Variants in LGSN observed in about 807,000 individuals in gnomAD.
The protein encoded by LGSN is lengsin.
Under a neutral mutation model 19.5 loss-of-function variants are expected in LGSN, and 21 were observed. The ratio of observed to expected loss-of-function variants is 1.07; its 90% CI spans 0.76 to 1.55. LGSN has a LOEUF of 1.55. Ranked by LOEUF, LGSN falls within the 40% of genes most tolerant of loss-of-function variation. LGSN has a pLI of 0.00. For synonymous variants in LGSN, 257 were observed against 215.6 expected (o/e 1.19, Z -1.68); for missense variants, 673 against 608.5 (o/e 1.11, Z -1.12).
the LGSN span, among the ~76,000 whole-genome samples, chr6:63,546,901 A>G: frequency 1.3e-5 from 2 of 152,196 alleles, no homozygotes; most frequent in South Asian, 2.1e-4. Context: ...GTATTTCGCA[A>G]TGTGTAGTGT....
the LGSN span, among the ~76,000 whole-genome samples, chr6:63,423,770 G>T: frequency 1.3e-5 from 2 of 152,112 alleles, no homozygotes; most frequent in African/African-American, 4.8e-5. Context: ...AGGCATGATG[G>T]CTCACGCCTA....
At chr6:63,416,703 G>C in the LGSN span, among the ~76,000 whole-genome samples, 2 of 151,826 alleles carry the variant, frequency 1.3e-5, no homozygotes, top group African/African-American at 4.8e-5. Flanking sequence ...AAACAGCTGG[G>C]ATTACAGGCA....
At chr6:63,491,455 G>A in the LGSN span, among the ~76,000 whole-genome samples, 2 of 151,652 alleles carry the variant, frequency 1.3e-5, no homozygotes, top group Non-Finnish European at 2.9e-5. Flanking sequence ...AGATCCAAAG[G>A]TGATCGGTAA....
the LGSN span, among the ~76,000 whole-genome samples, chr6:63,569,615 T>A: frequency 6.6e-6 from 1 of 152,198 alleles, no homozygotes; most frequent in African/African-American, 2.4e-5. Flanking sequence ...CTGCTGGCTT[T>A]TATATTTTGA....
the LGSN span, among the ~76,000 whole-genome samples, chr6:63,455,454 A>T: frequency 1.1e-4 from 17 of 152,136 alleles, no homozygotes; most frequent in Non-Finnish European, 1.8e-4. Flanking sequence ...TTCTTTTTTC[A>T]TTTAAAAACT....
chr6:63,380,640 A>G, the LGSN span, among the ~76,000 whole-genome samples: 1 of 152,228 alleles, frequency 6.6e-6, no homozygotes, highest in East Asian at 1.9e-4. Context: ...GTTAGCCAAC[A>G]GGATAAAATT....
chr6:63,351,365 A>G, the LGSN span, among the ~76,000 whole-genome samples: 35 of 152,160 alleles, frequency 2.3e-4, no homozygotes, highest in African/African-American at 8.0e-4. Context: ...TTTGCTTTAT[A>G]AATATCTCTG....
chr6:63,480,986 TAC>T, the LGSN span, among the ~76,000 whole-genome samples: 43 of 44,072 alleles, frequency 9.8e-4, no homozygotes, highest in Middle Eastern at 0.018. Flanking sequence ...TATATATATA[TAC>T]ACACACACAT....
the LGSN span, among the ~76,000 whole-genome samples, chr6:63,352,054 T>C: frequency 2.6e-5 from 4 of 152,260 alleles, no homozygotes; most frequent in East Asian, 7.7e-4. Context: ...AAACAAGAAA[T>C]GGTTGAGACA....
the LGSN span, among the ~76,000 whole-genome samples, chr6:63,497,644 G>T: frequency 6.6e-6 from 1 of 151,974 alleles, no homozygotes; most frequent in Non-Finnish European, 1.5e-5. Context: ...GGGAAAATAA[G>T]CAGTTGCGCT....
At chr6:63,449,509 C>T in the LGSN span, among the ~76,000 whole-genome samples, 1 of 151,214 alleles carries the variant, frequency 6.6e-6, no homozygotes, top group Non-Finnish European at 1.5e-5. Flanking sequence ...CACACCACTG[C>T]CCTCCAGCCT....
chr6:63,320,875 C>A (rs568354114), upstream of LGSN, among the ~76,000 whole-genome samples: 1 of 152,326 alleles, frequency 6.6e-6, no homozygotes, highest in East Asian at 1.9e-4. Flanking sequence ...TCCTGCCTGA[C>A]TCTCTTGGCC....
chr6:63,410,117 A>G, the LGSN span, among the ~76,000 whole-genome samples: 1 of 152,200 alleles, frequency 6.6e-6, no homozygotes, highest in African/African-American at 2.4e-5. Flanking sequence ...GGCTATGAAG[A>G]TATGACATAA....
the LGSN span, among the ~76,000 whole-genome samples, chr6:63,454,470 CT>C: frequency 3.0e-3 from 360 of 118,668 alleles, 1 homozygote; most frequent in Middle Eastern, 9.3e-3. Context: ...TTTACATTTT[CT>C]TTTTTTTTTT....
At chr6:63,345,932 T>C in the LGSN span, among the ~76,000 whole-genome samples, 3 of 152,248 alleles carry the variant, frequency 2.0e-5, no homozygotes. Flanking sequence ...AAATGGTCTG[T>C]TTCTGGATTC....
the LGSN span, among the ~76,000 whole-genome samples, chr6:63,366,160 C>T: frequency 2.6e-5 from 4 of 152,172 alleles, no homozygotes; most frequent in East Asian, 1.9e-4. Context: ...TCCCTGTTTG[C>T]AGGTGACATG....
At chr6:63,380,599 C>T in the LGSN span, among the ~76,000 whole-genome samples, 6 of 151,904 alleles carry the variant, frequency 3.9e-5, no homozygotes, top group Non-Finnish European at 7.4e-5. Context: ...AGAGAAGTTA[C>T]GGAAGGAGCA....
the LGSN span, among the ~76,000 whole-genome samples, chr6:63,567,730 T>C: frequency 6.6e-6 from 1 of 152,232 alleles, no homozygotes; most frequent in Non-Finnish European, 1.5e-5. Flanking sequence ...TTGACTTCTA[T>C]AGCTATGAAA....
chr6:63,448,842 G>GA, the LGSN span, among the ~76,000 whole-genome samples: 1 of 149,738 alleles, frequency 6.7e-6, no homozygotes, highest in Non-Finnish European at 1.5e-5. Flanking sequence ...AAAATACTCA[G>GA]AAAAAAAATA....
Sources: allele counts gnomAD v4.1 joint callset (sites outside exome capture counted in the v4.1 genomes callset), GRCh38; gene constraint gnomAD v4.1.1; transcripts MANE v1.5; gene names NCBI Gene and HGNC (gene_info 2026-07-23, HGNC 2026-07-21).